CSMD1: variants seen among roughly 807,000 people sequenced by gnomAD.
The protein encoded by CSMD1 is CUB and Sushi multiple domains 1.
A neutral mutation model predicts 417.5 loss-of-function variants in CSMD1; 213 were observed. The observed-to-expected ratio is 0.51, with a 90% CI of 0.46 to 0.57. CSMD1 has a LOEUF of 0.57. CSMD1 is among the 20% of genes least tolerant of loss of function. CSMD1 has a pLI of 0.00. For missense variants in CSMD1, 6,923 were observed against 4,529.7 expected (o/e 1.53, Z -15.17); for synonymous variants, 2,862 against 1,736.8 (o/e 1.65, Z -16.11).
intron 3 of CSMD1, among the ~76,000 whole-genome samples, chr8:4,111,497 T>G (rs150448747): frequency 1.3e-5 from 2 of 152,256 alleles, no homozygotes; most frequent in South Asian, 2.1e-4. Context: ...CTATCCACAA[T>G]AGCAAAGACA....
At chr8:3,577,468 T>C (rs1210185490) in intron 9 of CSMD1, among the ~76,000 whole-genome samples, 3 of 152,170 alleles carry the variant, frequency 2.0e-5, no homozygotes, top group Non-Finnish European at 4.4e-5. Flanking sequence ...AATTGTTTAT[T>C]TTTTGTCCAT....
chr8:4,406,191 C>T (rs1045749220), intron 3 of CSMD1, among the ~76,000 whole-genome samples: 1 of 152,200 alleles, frequency 6.6e-6, no homozygotes, highest in East Asian at 1.9e-4. Flanking sequence ...GATTTTTCCA[C>T]TGGCACCGCA....
At chr8:4,626,095 C>A (rs1203898526) in intron 2 of CSMD1, among the ~76,000 whole-genome samples, 1 of 152,114 alleles carries the variant, frequency 6.6e-6, no homozygotes, top group African/African-American at 2.4e-5. Context: ...GAAAAACTGC[C>A]ATGAAAGATT....
At chr8:4,038,113 A>G (rs962639485) in intron 3 of CSMD1, among the ~76,000 whole-genome samples, 10 of 152,152 alleles carry the variant, frequency 6.6e-5, no homozygotes, top group Admixed American at 1.3e-4. Flanking sequence ...GATTAGATCT[A>G]CCATTTAAGG....
intron 5 of CSMD1, among the ~76,000 whole-genome samples, chr8:3,800,260 ATATTGGG>A (rs1331014172): frequency 1.3e-5 from 2 of 152,166 alleles, no homozygotes; most frequent in African/African-American, 4.8e-5. Context: ...ATAACATTAT[ATATTGGG>A]AATACAAGAA....
At chr8:4,092,904 GT>G (rs534577717) in intron 3 of CSMD1, among the ~76,000 whole-genome samples, 8 of 151,798 alleles carry the variant, frequency 5.3e-5, no homozygotes, top group African/African-American at 1.5e-4. Flanking sequence ...CAAAACACAA[GT>G]TTTTTTTAAT....
chr8:4,627,818 T>C (rs368049572), intron 2 of CSMD1, among the ~76,000 whole-genome samples: 3 of 152,266 alleles, frequency 2.0e-5, no homozygotes, highest in South Asian at 2.1e-4. Flanking sequence ...ATAGGAATAG[T>C]ACAGACAATT....
intron 3 of CSMD1, among the ~76,000 whole-genome samples, chr8:4,110,796 A>T (rs1801811435): frequency 6.6e-6 from 1 of 151,946 alleles, no homozygotes; most frequent in South Asian, 2.1e-4. Context: ...TTTCAAGAAT[A>T]TGTATGTTTT....
intron 15 of CSMD1, 56 bp downstream of exon 15, chr8:3,405,971 C>G: frequency 6.5e-7 from 1 of 1,542,642 alleles, no homozygotes; most frequent in Non-Finnish European, 8.9e-7. Context: ...GTGTGTGTGC[C>G]TGAAGATAGA....
chr8:4,745,783 T>C (rs896362509), intron 1 of CSMD1, among the ~76,000 whole-genome samples: 3 of 152,168 alleles, frequency 2.0e-5, no homozygotes, highest in Non-Finnish European at 4.4e-5. Flanking sequence ...ATTTTTGAAC[T>C]TCTACCACAA....
At chr8:3,439,062 G>A (rs1407429482) in intron 12 of CSMD1, among the ~76,000 whole-genome samples, 2 of 124,810 alleles carry the variant, frequency 1.6e-5, no homozygotes, top group African/African-American at 5.9e-5. Flanking sequence ...GGTGGAGGTT[G>A]CAGTGAGCCA....
intron 3 of CSMD1, among the ~76,000 whole-genome samples, chr8:4,050,686 C>G (rs1006566371): frequency 2.6e-5 from 4 of 152,072 alleles, no homozygotes; most frequent in Non-Finnish European, 4.4e-5. Context: ...CACATCCCCA[C>G]TTCCATCCAA....
chr8:4,377,395 A>C (rs999553945), intron 3 of CSMD1, among the ~76,000 whole-genome samples: 9 of 152,290 alleles, frequency 5.9e-5, no homozygotes, highest in East Asian at 1.9e-4. Flanking sequence ...CGTTATATCT[A>C]AACTACTTAA....
At chr8:4,285,196 G>C (rs1344649218) in intron 3 of CSMD1, among the ~76,000 whole-genome samples, 1 of 152,216 alleles carries the variant, frequency 6.6e-6, no homozygotes, top group Non-Finnish European at 1.5e-5. Flanking sequence ...ATGTCAAGGA[G>C]TGTGTTAAAA....
At chr8:3,064,494 G>C (rs1028188549) in intron 49 of CSMD1, among the ~76,000 whole-genome samples, 10 of 152,206 alleles carry the variant, frequency 6.6e-5, no homozygotes, top group African/African-American at 2.2e-4. Context: ...AGAACTGTGA[G>C]TCAATTAGGC....
At chr8:4,161,115 A>C (rs569940553) in intron 3 of CSMD1, among the ~76,000 whole-genome samples, 2 of 89,890 alleles carry the variant, frequency 2.2e-5, no homozygotes, top group African/African-American at 6.3e-5. Flanking sequence ...ATATAAACAA[A>C]TAATGTAAAA....
chr8:4,246,681 CAT>C (rs1388681395), intron 3 of CSMD1, among the ~76,000 whole-genome samples: 15 of 152,192 alleles, frequency 9.9e-5, no homozygotes, highest in Admixed American at 6.5e-4. Flanking sequence ...CAACTTAACC[CAT>C]TTTTCCTTAA....
chr8:4,300,771 G>C (rs920438061), intron 3 of CSMD1, among the ~76,000 whole-genome samples: 1 of 152,134 alleles, frequency 6.6e-6, no homozygotes, highest in Non-Finnish European at 1.5e-5. Context: ...CCCTATGGGT[G>C]AGAACATGCA....
intron 3 of CSMD1, among the ~76,000 whole-genome samples, chr8:4,307,849 A>C (rs1798333650): frequency 6.6e-6 from 1 of 152,170 alleles, no homozygotes; most frequent in South Asian, 2.1e-4. Context: ...GGTGAAACTC[A>C]ACAGAAATCT....
Sources: gnomAD v4.1 joint callset for allele counts (sites outside exome capture counted in the v4.1 genomes callset) on GRCh38, gnomAD v4.1.1 for gene constraint, MANE v1.5 for transcripts, NCBI Gene and HGNC (gene_info 2026-07-23, HGNC 2026-07-21) for gene names.